The following PJA2 variants were observed in gnomAD, a reference collection of about 807,000 sequenced individuals.
The protein encoded by PJA2 is praja ring finger ubiquitin ligase 2, also known as E3 ubiquitin-protein ligase Praja-2.
Under a neutral mutation model 69.3 loss-of-function variants are expected in PJA2, and 25 were observed. That is an observed-to-expected ratio of 0.36 (90% CI 0.26 to 0.50). PJA2 has a LOEUF of 0.50. Among genes scored for constraint, PJA2 ranks in the 20% least tolerant of loss-of-function variants. PJA2 has a pLI of 0.96. For synonymous variants in PJA2, 308 were observed against 277.8 expected, an observed-to-expected ratio of 1.11 and a Z score of -1.08; for missense variants, 809 against 830.2, an observed-to-expected ratio of 0.97 and a Z score of 0.31.
chr5:109,376,296 A>G (rs1253980240), intron 4 of PJA2, among the ~76,000 whole-genome samples: 1 of 151,204 alleles, frequency 6.6e-6, no homozygotes, highest in Non-Finnish European at 1.5e-5. Flanking sequence ...CAGAATATTG[A>G]CATCACTTAA....
intron 1 of PJA2, among the ~76,000 whole-genome samples, chr5:109,393,122 T>C (rs1747319244): frequency 6.6e-6 from 1 of 152,116 alleles, no homozygotes. Flanking sequence ...ACATATAGGA[T>C]ATATAACATA....
At chr5:109,407,059 G>C (rs1747706332) in intron 1 of PJA2, among the ~76,000 whole-genome samples, 1 of 152,160 alleles carries the variant, frequency 6.6e-6, no homozygotes, top group East Asian at 1.9e-4. Context: ...CTGCAAAAGG[G>C]AACTTTGGGG....
At chr5:109,344,452 T>C (rs749132792) in intron 8 of PJA2, 141 bp from the exon 9 acceptor site, 2 of 932,342 alleles carry the variant, frequency 2.1e-6, no homozygotes, top group Non-Finnish European at 3.1e-6. Context: ...GGCATTTCTG[T>C]CTAATACTTG....
At chr5:109,347,208 A>T (rs74578868) in intron 7 of PJA2, among the ~76,000 whole-genome samples, 1,704 of 152,358 alleles carry the variant, frequency 0.011, 31 homozygotes, top group African/African-American at 0.038. Context: ...TAATTGAATT[A>T]TTGCTTCTCA....
intron 1 of PJA2, among the ~76,000 whole-genome samples, chr5:109,391,277 C>T (rs916714584): frequency 6.6e-6 from 1 of 152,134 alleles, no homozygotes; most frequent in African/African-American, 2.4e-5. Flanking sequence ...GTTTCAAACA[C>T]CCAATAATCT....
At chr5:109,375,202 C>A (rs1031758921) in intron 4 of PJA2, among the ~76,000 whole-genome samples, 2 of 152,028 alleles carry the variant, frequency 1.3e-5, no homozygotes, top group Non-Finnish European at 2.9e-5. Context: ...TAAAAAGTAG[C>A]CAAAATTCCT....
intron 9 of PJA2, among the ~76,000 whole-genome samples, chr5:109,337,931 A>C (rs563818514): frequency 3.9e-5 from 6 of 152,170 alleles, no homozygotes; most frequent in Non-Finnish European, 8.8e-5. Context: ...CTAAGCCATG[A>C]CATTTCTTTC....
At chr5:109,372,266 A>T (rs950027875) in intron 4 of PJA2, among the ~76,000 whole-genome samples, 1 of 152,208 alleles carries the variant, frequency 6.6e-6, no homozygotes, top group Non-Finnish European at 1.5e-5. Flanking sequence ...CTGCTATCTG[A>T]TCCCAGTACT....
chr5:109,351,055 G>A (rs565767419), intron 7 of PJA2, among the ~76,000 whole-genome samples: 7 of 151,430 alleles, frequency 4.6e-5, no homozygotes, highest in African/African-American at 1.7e-4. Flanking sequence ...GAAGTACTGA[G>A]GTAGAACTGA....
intron 7 of PJA2, among the ~76,000 whole-genome samples, chr5:109,345,180 T>TAA (rs60910860): frequency 0.017 from 1,780 of 103,928 alleles, 49 homozygotes; most frequent in African/African-American, 0.062. Flanking sequence ...CCGTCTCTAG[T>TAA]AAAAAAAAAA....
chr5:109,396,071 G>A (rs998137881), intron 1 of PJA2, among the ~76,000 whole-genome samples: 8 of 151,364 alleles, frequency 5.3e-5, no homozygotes. Flanking sequence ...AAAATTAGAT[G>A]TCAACTCCAG....
At chr5:109,357,685 C>A (rs1366336786) in intron 6 of PJA2, among the ~76,000 whole-genome samples, 1 of 152,180 alleles carries the variant, frequency 6.6e-6, no homozygotes, top group East Asian at 1.9e-4. Flanking sequence ...TCCTTCCATG[C>A]AGAAAATACA....
chr5:109,391,020 T>C (rs1385012671), intron 1 of PJA2, among the ~76,000 whole-genome samples: 1 of 152,150 alleles, frequency 6.6e-6, no homozygotes, highest in East Asian at 1.9e-4. Flanking sequence ...AAAATGGGGT[T>C]ACGCCCTGAC....
intron 7 of PJA2, 87 bp from the exon 8 acceptor site, chr5:109,344,906 C>A (rs1432751637): frequency 1.3e-6 from 1 of 771,974 alleles, no homozygotes; most frequent in East Asian, 2.6e-5. Context: ...AAAATTATAT[C>A]ACCATTATTC....
At chr5:109,369,251 G>C (rs1762633162) in intron 4 of PJA2, among the ~76,000 whole-genome samples, 1 of 152,318 alleles carries the variant, frequency 6.6e-6, no homozygotes, top group East Asian at 1.9e-4. Flanking sequence ...TCATAGTATA[G>C]AGTGGAGTGT....
intron 2 of PJA2, among the ~76,000 whole-genome samples, chr5:109,382,582 T>A (rs1170798058): frequency 6.6e-6 from 1 of 152,214 alleles, no homozygotes; most frequent in Non-Finnish European, 1.5e-5. Flanking sequence ...GCATGGTGGC[T>A]CATGCCTGTA....
At chr5:109,385,233 T>C (rs1747130938) in intron 1 of PJA2, among the ~76,000 whole-genome samples, 1 of 152,152 alleles carries the variant, frequency 6.6e-6, no homozygotes, top group Non-Finnish European at 1.5e-5. Context: ...TGAAGAGGAA[T>C]GAGGTCTAAA....
chr5:109,348,907 A>G (rs537203572), intron 7 of PJA2, among the ~76,000 whole-genome samples: 13 of 152,250 alleles, frequency 8.5e-5, no homozygotes, highest in Middle Eastern at 6.8e-3. Context: ...ATATGTTAAC[A>G]GTTTACTTTT....
At chr5:109,386,591 T>C (rs186170893) in intron 1 of PJA2, among the ~76,000 whole-genome samples, 24 of 152,332 alleles carry the variant, frequency 1.6e-4, no homozygotes, top group Non-Finnish European at 2.6e-4. Flanking sequence ...TGGAAATCTT[T>C]TGATTGTACT....
Sources: allele counts gnomAD v4.1 joint callset (sites outside exome capture counted in the v4.1 genomes callset), GRCh38; gene constraint gnomAD v4.1.1; transcripts MANE v1.5; gene names NCBI Gene and HGNC (gene_info 2026-07-23, HGNC 2026-07-21).